FHIT: variants seen among roughly 807,000 people sequenced by gnomAD.
FHIT encodes bis(5'-adenosyl)-triphosphatase.
FHIT carries 19 observed loss-of-function variants against 17.9 expected under a neutral mutation model. That is an observed-to-expected ratio of 1.06 (90% CI 0.74 to 1.56). FHIT has a LOEUF of 1.56. Among genes scored for constraint, FHIT ranks in the 40% most tolerant of loss-of-function variants. The pLI is 0.00. For synonymous variants in FHIT, 81 were observed against 69.7 expected (o/e 1.16, Z -0.81); for missense variants, 248 against 189.2 (o/e 1.31, Z -1.82).
intron 4 of FHIT, among the ~76,000 whole-genome samples, chr3:60,746,850 T>C (rs2042366391): frequency 6.6e-6 from 1 of 152,144 alleles, no homozygotes; most frequent in Non-Finnish European, 1.5e-5. Flanking sequence ...GAAATACAAG[T>C]AAAAGAGTTC....
chr3:60,455,311 C>T (rs147388361), intron 5 of FHIT, among the ~76,000 whole-genome samples: 53 of 152,184 alleles, frequency 3.5e-4, no homozygotes, highest in African/African-American at 1.3e-3. Context: ...ATAACAAGGG[C>T]CCTCATCCAT....
At chr3:60,974,325 T>G (rs1483683871) in intron 3 of FHIT, among the ~76,000 whole-genome samples, 2 of 152,200 alleles carry the variant, frequency 1.3e-5, no homozygotes, top group African/African-American at 4.8e-5. Flanking sequence ...TCAGGTCTGG[T>G]CAGTCCCTGT....
At chr3:59,855,668 GA>G (rs1241721217) in intron 8 of FHIT, among the ~76,000 whole-genome samples, 1 of 150,722 alleles carries the variant, frequency 6.6e-6, no homozygotes, top group Non-Finnish European at 1.5e-5. Context: ...TTTAGCAAAA[GA>G]AAAACCACAA....
intron 2 of FHIT, among the ~76,000 whole-genome samples, chr3:61,191,404 C>G (rs879585109): frequency 2.0e-5 from 3 of 152,146 alleles, no homozygotes; most frequent in Non-Finnish European, 4.4e-5. Flanking sequence ...GTTCTCAGGC[C>G]TTAGGACTTG....
intron 7 of FHIT, among the ~76,000 whole-genome samples, chr3:59,999,220 G>A (rs1004747653): frequency 3.3e-5 from 5 of 152,082 alleles, no homozygotes; most frequent in Non-Finnish European, 7.4e-5. Flanking sequence ...GGCAAGAAAT[G>A]AATGGCACTG....
intron 2 of FHIT, among the ~76,000 whole-genome samples, chr3:61,103,447 C>T (rs1350132969): frequency 1.3e-5 from 2 of 151,950 alleles, no homozygotes; most frequent in African/African-American, 2.4e-5. Context: ...TTTCTTTTAC[C>T]TTTGCTGAGG....
intron 5 of FHIT, among the ~76,000 whole-genome samples, chr3:60,297,845 T>C (rs1426670644): frequency 1.3e-5 from 2 of 152,018 alleles, no homozygotes; most frequent in Non-Finnish European, 2.9e-5. Flanking sequence ...ATCCAACAGG[T>C]TAGGGGTTCA....
At chr3:60,464,886 T>G (rs2032697784) in intron 5 of FHIT, among the ~76,000 whole-genome samples, 1 of 152,036 alleles carries the variant, frequency 6.6e-6, no homozygotes, top group African/African-American at 2.4e-5. Context: ...TAGCAGCGAG[T>G]TTGCTGGATC....
intron 2 of FHIT, among the ~76,000 whole-genome samples, chr3:61,094,611 G>A (rs2035583370): frequency 6.6e-6 from 1 of 152,120 alleles, no homozygotes; most frequent in Non-Finnish European, 1.5e-5. Flanking sequence ...TTATAAATTA[G>A]GCAGAGTAAG....
chr3:60,290,152 C>T (rs893109879), intron 5 of FHIT, among the ~76,000 whole-genome samples: 6 of 152,138 alleles, frequency 3.9e-5, no homozygotes, highest in South Asian at 4.2e-4. Flanking sequence ...CTCTGTGTTC[C>T]GAGAAGTCAG....
chr3:61,021,626 A>T (rs2032442030), intron 3 of FHIT, among the ~76,000 whole-genome samples: 1 of 148,420 alleles, frequency 6.7e-6, no homozygotes, highest in African/African-American at 2.5e-5. Flanking sequence ...AAAAAAGAAC[A>T]GAAATCATAA....
chr3:60,602,181 T>A (rs1249384965), intron 4 of FHIT, among the ~76,000 whole-genome samples: 2 of 152,128 alleles, frequency 1.3e-5, no homozygotes, highest in Admixed American at 1.3e-4. Context: ...TGGGTGGAAA[T>A]GATACAGTAT....
intron 5 of FHIT, among the ~76,000 whole-genome samples, chr3:60,255,235 T>C (rs1242482603): frequency 6.6e-6 from 1 of 152,198 alleles, no homozygotes; most frequent in Non-Finnish European, 1.5e-5. Flanking sequence ...TAAACAACTC[T>C]ATCACACCTC....
intron 5 of FHIT, among the ~76,000 whole-genome samples, chr3:60,297,945 C>G (rs1159068128): frequency 1.3e-5 from 2 of 152,044 alleles, no homozygotes; most frequent in Non-Finnish European, 2.9e-5. Context: ...AATCAGGATT[C>G]CTACAACCTC....
At chr3:60,553,502 AATATAT>A (rs769240914) in intron 4 of FHIT, 307 of 91,560 alleles carry the variant, frequency 3.4e-3, no homozygotes, top group Non-Finnish European at 5.4e-3. Flanking sequence ...TATTTAAAAA[AATATAT>A]ATATATATAT....
chr3:60,750,264 G>A (rs2042439665), intron 4 of FHIT, among the ~76,000 whole-genome samples: 1 of 152,122 alleles, frequency 6.6e-6, no homozygotes, highest in Admixed American at 6.5e-5. Context: ...AATAGTTGCA[G>A]TATAAGGTCT....
chr3:61,122,923 A>C (rs569208911), intron 2 of FHIT, among the ~76,000 whole-genome samples: 1 of 152,362 alleles, frequency 6.6e-6, no homozygotes, highest in African/African-American at 2.4e-5. Context: ...AATTAGTTCA[A>C]CCATTGTGGA....
At chr3:59,817,393 TC>T (rs1174145961) in intron 8 of FHIT, among the ~76,000 whole-genome samples, 2 of 151,754 alleles carry the variant, frequency 1.3e-5, no homozygotes. Context: ...TGTGGAACTG[TC>T]CCTTGGCATT....
intron 5 of FHIT, among the ~76,000 whole-genome samples, chr3:60,384,554 T>C (rs1360431759): frequency 1.3e-5 from 2 of 152,166 alleles, no homozygotes; most frequent in African/African-American, 2.4e-5. Flanking sequence ...GATAGTTTAT[T>C]AGTCATTCTT....
Sources: gnomAD v4.1 joint callset for allele counts (sites outside exome capture counted in the v4.1 genomes callset) on GRCh38, gnomAD v4.1.1 for gene constraint, MANE v1.5 for transcripts, NCBI Gene and HGNC (gene_info 2026-07-23, HGNC 2026-07-21) for gene names.